VPS41: variants seen among roughly 807,000 people sequenced by gnomAD.
VPS41 encodes VPS41 subunit of HOPS complex, also known as vacuolar protein sorting-associated protein 41 homolog.
In VPS41, 85 loss-of-function variants were observed where a neutral mutation model predicts 130.9. The ratio of observed to expected loss-of-function variants is 0.65; its 90% CI spans 0.55 to 0.78. VPS41 has a LOEUF of 0.78. VPS41 is among the 30% of genes least tolerant of loss of function. VPS41 has a pLI of 0.00. For missense variants in VPS41, 874 were observed against 1,018.7 expected (o/e 0.86, Z 1.93); for synonymous variants, 335 against 332.9 (o/e 1.01, Z -0.07).
At chr7:38,826,611 ATCC>A (rs1363761557) in intron 5 of VPS41, among the ~76,000 whole-genome samples, 2 of 152,062 alleles carry the variant, frequency 1.3e-5, no homozygotes, top group Non-Finnish European at 1.5e-5. Context: ...AACTCATTTA[ATCC>A]TCCTAATAAT....
intron 9 of VPS41, among the ~76,000 whole-genome samples, chr7:38,791,366 A>C (rs1273041879): frequency 6.6e-6 from 1 of 152,228 alleles, no homozygotes; most frequent in Non-Finnish European, 1.5e-5. Flanking sequence ...AAGTATAATA[A>C]AAAAGCAAAT....
At chr7:38,890,210 A>G (rs1490615004) in intron 2 of VPS41, among the ~76,000 whole-genome samples, 3 of 152,326 alleles carry the variant, frequency 2.0e-5, no homozygotes, top group African/African-American at 7.2e-5. Flanking sequence ...TTAACATATC[A>G]TTACTTTAAA....
chr7:38,854,410 T>C (rs1785934906), intron 4 of VPS41, among the ~76,000 whole-genome samples: 1 of 152,222 alleles, frequency 6.6e-6, no homozygotes, highest in Non-Finnish European at 1.5e-5. Flanking sequence ...CTTAAGTTTA[T>C]AGATCTGCTC....
At position 38,743,646 on chromosome 7, in the gene VPS41, A is replaced by G. The variant is rs181343961; in HGVS notation, c.1982-104T>C. The G allele has an allele frequency of 2.5e-4, 332 of 1,341,154 alleles. 5 individuals are homozygous for G. The East Asian group carries it at 3.9e-3, about 16-fold the overall frequency. The allele number at this position is 1,341,154 out of a possible 1,614,324, so 83.1% of individuals were successfully genotyped here. Reference sequence around the variant, plus strand: ...ATTTGTTTACATAGGTGGAAAGCTAAGACAAGGCTATTTTCTCATGTGACA... The same window carrying G: ...ATTTGTTTACATAGGTGGAAAGCTAGGACAAGGCTATTTTCTCATGTGACA... On this transcript the variant is annotated intron_variant, in intron 23 of 28. Transcript: ENST00000310301.
intron 4 of VPS41, among the ~76,000 whole-genome samples, chr7:38,837,573 A>G (rs1785521791): frequency 6.6e-6 from 1 of 152,318 alleles, no homozygotes; most frequent in East Asian, 1.9e-4. Context: ...AACAGCTTTC[A>G]GTGAGTTCTG....
chr7:38,787,146 C>T (rs1175756493), intron 10 of VPS41, among the ~76,000 whole-genome samples: 1 of 152,092 alleles, frequency 6.6e-6, no homozygotes, highest in Non-Finnish European at 1.5e-5. Context: ...GTTGTTTAAT[C>T]TCAATTAAAC....
intron 25 of VPS41, among the ~76,000 whole-genome samples, chr7:38,739,015 C>T (rs558365991): frequency 1.3e-5 from 2 of 152,334 alleles, no homozygotes; most frequent in East Asian, 1.9e-4. Context: ...CCACAACATT[C>T]TCTAACCCGC....
At chr7:38,831,440 A>C (rs1785385584) in intron 4 of VPS41, 1 of 292,554 alleles carries the variant, frequency 3.4e-6, no homozygotes, top group South Asian at 3.2e-5. Flanking sequence ...CAGATCACAG[A>C]ACATCATCAC....
rs377380548 is a variant in VPS41 at position 38,726,256 on chromosome 7, A to G, written c.2555T>C (p.Met852Thr). ...NRGPGSAILE[M>T]KK ...ACAAGGAGAAATGAGCTATTTTTTCATCTCCAAAATTGCACTTCCTGGTCC... is the reference window on the plus strand; with the variant it reads ...ACAAGGAGAAATGAGCTATTTTTTCGTCTCCAAAATTGCACTTCCTGGTCC... The change falls in exon 29 of 29, where the codon ATG becomes ACG. Residue 852 changes from methionine (M) to threonine (T), a missense_variant. Transcript: ENST00000310301. The G allele has an allele frequency of 7.6e-5, 123 of 1,608,320 alleles. No individual in the cohort carries two copies. Among genetic ancestry groups the G allele is most frequent in the Non-Finnish European group, 9.3e-5 (109 of 1,175,608 alleles).
chr7:38,901,573 A>G (rs1787146584), intron 1 of VPS41, among the ~76,000 whole-genome samples: 1 of 152,148 alleles, frequency 6.6e-6, no homozygotes, highest in African/African-American at 2.4e-5. Flanking sequence ...AAGAGAACTC[A>G]CTATTTCAAG....
chr7:38,758,100 C>T (rs1336176382), intron 18 of VPS41, among the ~76,000 whole-genome samples: 2 of 152,138 alleles, frequency 1.3e-5, no homozygotes, highest in Non-Finnish European at 2.9e-5. Context: ...CTTTTGTTTC[C>T]TAACCACTGC....
intron 10 of VPS41, among the ~76,000 whole-genome samples, chr7:38,784,924 T>C (rs1784413670): frequency 6.6e-6 from 1 of 152,222 alleles, no homozygotes; most frequent in South Asian, 2.1e-4. Context: ...CCCAGATTTC[T>C]TTATTGAAGT....
rs757864958 is a variant in VPS41 at position 38,865,191 on chromosome 7, GAGTAGCAGAATT to G, written c.169-2581_169-2570del. Among the ~76,000 whole-genome samples the G allele has an allele frequency of 1.1e-3, 169 of 152,272 alleles. 1 individual carries two copies. Among genetic ancestry groups the G allele is most frequent in the Admixed American group, 2.6e-3 (40 of 15,290 alleles). ...TGAGACTTCCCTGGAAACAGTCGAT[GAGTAGCAGAATT>G]AGGATCAGAATTAAAAGCTAAAACA... On this transcript the variant is annotated intron_variant, in intron 3 of 28. Transcript: ENST00000310301.
intron 5 of VPS41, among the ~76,000 whole-genome samples, chr7:38,823,494 G>T (rs1203313743): frequency 1.3e-5 from 2 of 152,134 alleles, no homozygotes; most frequent in African/African-American, 4.8e-5. Flanking sequence ...TTGTGAAAAG[G>T]TTTCCAATTA....
intron 15 of VPS41, 70 bp from the exon 16 acceptor site, chr7:38,765,731 A>G (rs1784026642): frequency 3.1e-6 from 3 of 958,480 alleles, no homozygotes; most frequent in Admixed American, 5.0e-5. Flanking sequence ...CAGAGACAGA[A>G]TAAGTAGACA....
At chr7:38,786,614 T>C (rs1020031459) in intron 10 of VPS41, among the ~76,000 whole-genome samples, 1 of 152,210 alleles carries the variant, frequency 6.6e-6, no homozygotes, top group Non-Finnish European at 1.5e-5. Context: ...CACTACAAAG[T>C]TCTTTTCTTT....
intron 14 of VPS41, among the ~76,000 whole-genome samples, chr7:38,770,459 T>G (rs560734189): frequency 6.6e-6 from 1 of 152,136 alleles, no homozygotes; most frequent in African/African-American, 2.4e-5. Flanking sequence ...TCTGGTTTTC[T>G]ATTCTCCTGT....
At chr7:38,898,853 T>C (rs1787075841) in intron 1 of VPS41, among the ~76,000 whole-genome samples, 1 of 152,238 alleles carries the variant, frequency 6.6e-6, no homozygotes, top group East Asian at 1.9e-4. Flanking sequence ...GAAGATTTAC[T>C]TAACGTACTT....
At position 38,752,086 on chromosome 7, in the gene VPS41, C is replaced by T. The variant is rs1261951501; in HGVS notation, c.1926+90G>A. The stretch of plus-strand genomic sequence containing the variant: ...TTCCCCCTGGAAAGGGACAGATGAA[C>T]AGAGATAGAAAGAGAAGAAAGACAA... On this transcript the variant is annotated intron_variant, in intron 22 of 28. Transcript: ENST00000310301. 2.6e-6 allele frequency: 4 copies of T among 1,550,014 alleles called. No individual in the cohort carries two copies. The African/African-American group carries it at 5.5e-5, about 21-fold the overall frequency.
Sources: allele counts gnomAD v4.1 joint callset (sites outside exome capture counted in the v4.1 genomes callset), GRCh38; gene constraint gnomAD v4.1.1; transcripts MANE v1.5; gene names NCBI Gene and HGNC (gene_info 2026-07-23, HGNC 2026-07-21).